Variants in PLAG1 observed in about 807,000 individuals in gnomAD.
PLAG1 encodes the protein PLAG1 zinc finger.
Under a neutral mutation model 35.5 loss-of-function variants are expected in PLAG1, and 7 were observed. The ratio of observed to expected loss-of-function variants is 0.20; its 90% confidence interval spans 0.11 to 0.37. The LOEUF (loss-of-function observed/expected upper bound fraction) is 0.37, where lower values mean the gene tolerates loss of function less well. Ranked by LOEUF, PLAG1 falls within the 10% of genes least tolerant of loss-of-function variation. The pLI, the probability that PLAG1 is intolerant of heterozygous loss-of-function variation, is 1.00. For synonymous variants in PLAG1, 229 were observed against 225.4 expected (o/e 1.02, Z -0.14); for missense variants, 454 against 602.8 (o/e 0.75, Z 2.58).
At position 56,187,126 on chromosome 8, in the gene PLAG1, G is replaced by A. The variant is rs147748924; in HGVS notation, c.-321-7613C>T. Among the ~76,000 whole-genome samples, 7 of 152,296 alleles carry A rather than the reference G, an allele frequency of 4.6e-5. No individual in the cohort carries two copies. The East Asian group carries it at 1.4e-3, about 29-fold the overall frequency. ...GCAAAGTCCCAGCCTCCTCCTTCTT[G>A]AAGCTTCAGCACCAGGATCTGGGGT... On this transcript the variant is annotated intron_variant, in intron 1 of 4. Transcript: ENST00000316981.
intron 1 of PLAG1, among the ~76,000 whole-genome samples, chr8:56,188,466 T>C (rs1812086693): frequency 6.6e-6 from 1 of 152,238 alleles, no homozygotes; most frequent in African/African-American, 2.4e-5. Flanking sequence ...CTTGAAGAAA[T>C]GTTTCTAAAC....
chr8:56,167,206 A>G lies in PLAG1; in HGVS notation c.540T>C (p.Val180=). 1 of 1,613,914 alleles carries G rather than the reference A, an allele frequency of 6.2e-7. No homozygotes were observed. Among genetic ancestry groups the G allele is most frequent in the South Asian group, 1.1e-5 (1 of 91,078 alleles). ...KSHAGKSSGG[V]KEKKHQCEHC... ...GTTCGCACTGGTGCTTTTTTTCTTT[A>G]ACCCCACCAGACGACTTGCCTGCAT... Residue 180 remains valine, a synonymous_variant, in exon 5 of 5, where the codon GTT becomes GTC. Transcript: ENST00000316981. This position sits in a 1 kb window ranked among gnomAD's most constrained non-coding sequence, Gnocchi z 5.9.
At chr8:56,202,443 C>A (rs1812581184) in intron 1 of PLAG1, among the ~76,000 whole-genome samples, 1 of 152,142 alleles carries the variant, frequency 6.6e-6, no homozygotes, top group Non-Finnish European at 1.5e-5. Context: ...TTGGAAGGGC[C>A]AATGGAAGCA....
intron 1 of PLAG1, among the ~76,000 whole-genome samples, chr8:56,194,316 CA>C (rs544697171): frequency 0.065 from 3,669 of 56,334 alleles, 30 homozygotes; most frequent in Middle Eastern, 0.11. Flanking sequence ...AACTCTGTCT[CA>C]AAAAAAAAAA....
At chr8:56,187,450 T>C (rs928634157) in intron 1 of PLAG1, among the ~76,000 whole-genome samples, 10 of 152,228 alleles carry the variant, frequency 6.6e-5, no homozygotes, top group African/African-American at 2.4e-4. Context: ...TCTGTGTAAC[T>C]ACTTTCAATG....
intron 1 of PLAG1, among the ~76,000 whole-genome samples, chr8:56,191,871 C>G (rs1812194200): frequency 6.7e-6 from 1 of 149,158 alleles, no homozygotes; most frequent in Non-Finnish European, 1.5e-5. Flanking sequence ...GTAGACACTA[C>G]AAATCTACAC....
chr8:56,180,683 A>G (rs1393380777), intron 1 of PLAG1, among the ~76,000 whole-genome samples: 3 of 152,184 alleles, frequency 2.0e-5, no homozygotes, highest in African/African-American at 2.4e-5. Flanking sequence ...TATTCTGCAT[A>G]TGGCTAGACA....
In PLAG1 at chr8:56,203,880, C is replaced by A. The variant is rs79354203; in HGVS notation, c.-322+7241G>T. Among the ~76,000 whole-genome samples the A allele has an allele frequency of 6.7e-3, 1,024 of 151,954 alleles. 4 individuals are homozygous for A. The highest frequency in any genetic ancestry group is 0.014 in the Admixed American group (209 of 15,256). On this transcript the variant is annotated intron_variant, in intron 1 of 4. Coordinates refer to ENST00000316981, the MANE Select transcript of PLAG1 (RefSeq NM_002655.3). Reference sequence around the variant, plus strand: ...ATTACCTCAGTCTATGACAAATTAGCAAAACATATGAAGAACATTTTCTCA... The same window carrying A: ...ATTACCTCAGTCTATGACAAATTAGAAAAACATATGAAGAACATTTTCTCA...
intron 1 of PLAG1, among the ~76,000 whole-genome samples, 159 bp from the exon 2 acceptor site, chr8:56,179,672 T>G (rs1425981398): frequency 6.6e-6 from 1 of 152,190 alleles, no homozygotes; most frequent in African/African-American, 2.4e-5. Context: ...GTATAGTACA[T>G]GGAAAAATGA....
At position 56,169,667 on chromosome 8, in the gene PLAG1, G is replaced by A. The variant is rs189990662; in HGVS notation, c.-117-1281C>T. ...CTATCTTCAAGTGCCTCAGCCTCCC[G>A]AGTAGCTGGGACTGCAGGTACATGC... is the stretch of plus-strand genomic sequence containing the variant. On this transcript the variant is annotated intron_variant, in intron 3 of 4. Coordinates refer to ENST00000316981, the MANE Select transcript of PLAG1 (RefSeq NM_002655.3). Among the ~76,000 whole-genome samples the A allele has an allele frequency of 7.6e-4, 116 of 152,172 alleles. 1 individual carries two copies. The highest frequency in any genetic ancestry group is 2.7e-3 in the East Asian group (14 of 5,166).
At position 56,163,775 on chromosome 8, in the gene PLAG1, T is replaced by G. The variant is rs950641967; in HGVS notation, c.*2468A>C. ...TTAATAAATCCTGGTACTCCCTTTT[T>G]TAAATTAGCAGTGAATACAGCCTAC... On this transcript the variant is annotated 3_prime_UTR_variant, in exon 5 of 5. Coordinates refer to ENST00000316981, the MANE Select transcript of PLAG1 (RefSeq NM_002655.3). 2 of 190,604 alleles carry G rather than the reference T, an allele frequency of 1.0e-5. No homozygotes were observed. The highest frequency in any genetic ancestry group is 8.3e-5 in the East Asian group (1 of 12,054). 11.8% of individuals were successfully genotyped at this position (190,604 alleles called of 1,614,324 possible). A position where few individuals can be genotyped will look rare whatever the true frequency, so the allele number is the denominator to read the frequency against.
At chr8:56,170,006 C>T (rs1434305745) in intron 3 of PLAG1, among the ~76,000 whole-genome samples, 1 of 152,240 alleles carries the variant, frequency 6.6e-6, no homozygotes, top group Admixed American at 6.5e-5. Context: ...TCCAGTTATA[C>T]TTTCGCAGGA....
intron 1 of PLAG1, among the ~76,000 whole-genome samples, chr8:56,204,517 C>A (rs943353714): frequency 1.3e-5 from 2 of 151,756 alleles, no homozygotes; most frequent in African/African-American, 4.8e-5. Context: ...TGCCTTTGAG[C>A]CAAAGGGGCT....
chr8:56,181,002 C>T lies in PLAG1; in HGVS notation c.-321-1489G>A, dbSNP rs1428369171. ...CACTGGTCATTAGAGAAATGCAAAT[C>T]AAAACTACAATAAGATACCATCTCA... On this transcript the variant is annotated intron_variant, in intron 1 of 4. Coordinates refer to ENST00000316981, the MANE Select transcript of PLAG1 (RefSeq NM_002655.3). 2.6e-5 allele frequency among the ~76,000 whole-genome samples: 4 copies of T among 152,080 alleles called. No homozygotes were observed. The South Asian group carries it at 8.3e-4, about 32-fold the overall frequency.
Position 56,166,408 on chromosome 8 carries a change from C to A in PLAG1, c.1338G>T (p.Gln446His). ...SVGSLGMSYS[Q>H]EEAHSSVSQL... ...GGGAAACAGAAGAATGTGCTTCTTC[C>A]TGGGAATAGCTCATTCCAAGGCTCC... Residue 446 changes from glutamine (Q) to histidine (H), a missense_variant, in exon 5 of 5, where the codon CAG becomes CAT. Physicochemically the swap from Gln to His is conservative, Grantham distance 24 (BLOSUM62 0). This residue lies in a region of PLAG1 where 271 missense variants were observed against 315.6 expected (regional missense o/e 0.86). Transcript: ENST00000316981. 1 of 1,613,450 alleles carries A rather than the reference C, an allele frequency of 6.2e-7. No individual in the cohort carries two copies. Among genetic ancestry groups the A allele is most frequent in the Non-Finnish European group, 8.5e-7 (1 of 1,179,736 alleles).
In PLAG1 at chr8:56,195,777, G is replaced by A. The variant is rs1009674134; in HGVS notation, c.-322+15344C>T. On this transcript the variant is annotated intron_variant, in intron 1 of 4. Coordinates refer to ENST00000316981, the MANE Select transcript of PLAG1 (RefSeq NM_002655.3). The stretch of plus-strand genomic sequence containing the variant: ...GGCTTCGTGTGGGAGAACAGGTGAC[G>A]GTGCAAGCCGGGAGGGGGCCAGCGC... Among the ~76,000 whole-genome samples, 7 of 152,160 alleles carry A rather than the reference G, an allele frequency of 4.6e-5. 1 individual carries two copies. Among genetic ancestry groups the A allele is most frequent in the Admixed American group, 2.0e-4 (3 of 15,280 alleles).
rs539632200 is a variant in PLAG1 at position 56,163,510 on chromosome 8, C to A, written c.*2733G>T. On this transcript the variant is annotated 3_prime_UTR_variant, in exon 5 of 5. Coordinates refer to ENST00000316981, the MANE Select transcript of PLAG1 (RefSeq NM_002655.3). ...ATTTTAAAAACAAATTAGCTGAATT[C>A]CCTCTTACTCTGAAGTGTTATTTCA... 5.0e-6 allele frequency: 1 copy of A among 199,588 alleles called. No homozygotes were observed. The highest frequency in any genetic ancestry group is 2.3e-5 in the African/African-American group (1 of 43,312). The allele number at this position is 199,588 out of a possible 1,614,324, so 12.4% of individuals were successfully genotyped here.
intron 1 of PLAG1, among the ~76,000 whole-genome samples, chr8:56,200,940 C>T (rs1476677317): frequency 6.6e-6 from 1 of 152,154 alleles, no homozygotes; most frequent in Non-Finnish European, 1.5e-5. Context: ...TTTTCTTTTT[C>T]GCCCAATTCA....
chr8:56,162,209 T>C lies in PLAG1; in HGVS notation c.*4034A>G, dbSNP rs1049196653. ...AACTTAGGCACACATTTACCAGAAC[T>C]AACAGCCAGCCATTGCTAATGACGA... On this transcript the variant is annotated 3_prime_UTR_variant, in exon 5 of 5. Transcript: ENST00000316981. 4.4e-6 allele frequency: 1 copy of C among 228,832 alleles called. No homozygotes were observed. The highest frequency in any genetic ancestry group is 1.8e-4 in the South Asian group (1 of 5,490). 14.2% of individuals were successfully genotyped at this position (228,832 alleles called of 1,614,324 possible).
Sources: gnomAD v4.1 joint callset for allele counts (sites outside exome capture counted in the v4.1 genomes callset) on GRCh38, gnomAD v4.1.1 for gene constraint, gnomAD v4.1.1 regional missense constraint, Gnocchi (gnomAD v3.1) non-coding constraint, MANE v1.5 for transcripts, NCBI Gene and HGNC (gene_info 2026-07-23, HGNC 2026-07-21) for gene names.